PDE3A: variants seen among roughly 807,000 people sequenced by gnomAD.
The protein encoded by PDE3A is phosphodiesterase 3A.
Under a neutral mutation model 98.3 loss-of-function variants are expected in PDE3A, and 43 were observed. The ratio of observed to expected loss-of-function variants is 0.44; its 90% CI spans 0.34 to 0.56. The LOEUF (loss-of-function observed/expected upper bound fraction) is 0.56, where lower values mean the gene tolerates loss of function less well. Ranked by LOEUF, PDE3A falls within the 20% of genes least tolerant of loss-of-function variation. PDE3A has a pLI of 0.01. For missense variants in PDE3A, 1,427 were observed against 1,440.7 expected (o/e 0.99, Z 0.15); for synonymous variants, 663 against 567.9 (o/e 1.17, Z -2.38).
chr12:20,625,073 G>A (rs1018169052), intron 5 of PDE3A, among the ~76,000 whole-genome samples: 4 of 152,150 alleles, frequency 2.6e-5, no homozygotes, highest in African/African-American at 9.7e-5. Context: ...TCCAGAGAGG[G>A]CTAATGAAAT....
intron 3 of PDE3A, among the ~76,000 whole-genome samples, chr12:20,614,393 G>A (rs1038737731): frequency 1.3e-5 from 2 of 152,090 alleles, no homozygotes; most frequent in African/African-American, 4.8e-5. Context: ...AGTGTCAGTG[G>A]TCTCTGGTAT....
At chr12:20,432,608 A>G (rs1042378979) in intron 1 of PDE3A, among the ~76,000 whole-genome samples, 1 of 152,188 alleles carries the variant, frequency 6.6e-6, no homozygotes, top group African/African-American at 2.4e-5. Flanking sequence ...CATGTCGATC[A>G]TACCTTAATA....
At chr12:20,371,911 A>G (rs192334350) in intron 1 of PDE3A, among the ~76,000 whole-genome samples, 36 of 152,334 alleles carry the variant, frequency 2.4e-4, no homozygotes, top group Admixed American at 2.1e-3. Context: ...TCATTAACTT[A>G]TAGGGAAATA....
rs1945022209 is a variant in PDE3A, at chr12:20,655,521, C to A, written c.3184+1316C>A. ...GTTTCTGGTTGGGCCAGTAAAGCCC[C>A]TTCCTCATCCCACTGTTCTGCTTAT... On this transcript the variant is annotated intron_variant, in intron 15 of 15. Transcript: ENST00000359062. 2.0e-5 allele frequency among the ~76,000 whole-genome samples: 3 copies of A among 152,294 alleles called. No individual in the cohort carries two copies. In the Middle Eastern group the frequency reaches 0.01, roughly 518 times the overall value.
intron 15 of PDE3A, among the ~76,000 whole-genome samples, chr12:20,672,337 G>GA (rs1284789645): frequency 3.0e-5 from 4 of 133,344 alleles, no homozygotes; most frequent in East Asian, 4.8e-4. Context: ...CACAGAATTG[G>GA]AAAAAACTAC....
At chr12:20,425,513 GA>G (rs1944589121) in intron 1 of PDE3A, among the ~76,000 whole-genome samples, 1 of 152,054 alleles carries the variant, frequency 6.6e-6, no homozygotes, top group Non-Finnish European at 1.5e-5. Context: ...TTATAAAATT[GA>G]TATTTAAAAA....
intron 2 of PDE3A, among the ~76,000 whole-genome samples, chr12:20,592,167 T>G (rs1943353716): frequency 6.6e-6 from 1 of 152,148 alleles, no homozygotes; most frequent in Admixed American, 6.5e-5. Flanking sequence ...TGTTTAAAGA[T>G]GTTAGTTTGG....
At chr12:20,484,312 G>C (rs1945683321) in intron 1 of PDE3A, among the ~76,000 whole-genome samples, 1 of 152,076 alleles carries the variant, frequency 6.6e-6, no homozygotes. Flanking sequence ...GTAATAGTCT[G>C]TTTTAATTTT....
chr12:20,480,111 T>A (rs1945597097), intron 1 of PDE3A, among the ~76,000 whole-genome samples: 1 of 152,198 alleles, frequency 6.6e-6, no homozygotes, highest in South Asian at 2.1e-4. Flanking sequence ...CCTGGCCTCA[T>A]TTAATAGCTG....
In PDE3A at chr12:20,685,306, G is replaced by A. The variant is rs1344234006; in HGVS notation, c.*5035G>A. 6.6e-6 allele frequency among the ~76,000 whole-genome samples: 1 copy of A among 151,236 alleles called. No individual in the cohort carries two copies. Among genetic ancestry groups the A allele is most frequent in the Non-Finnish European group, 1.5e-5 (1 of 67,950 alleles). ...GCATGTCTGTAATCCCAGCTACCCA[G>A]GAGGCTGAGGCAGAATCGCTTGAAC... On this transcript the variant is annotated 3_prime_UTR_variant, in exon 16 of 16. Coordinates refer to ENST00000359062, the MANE Select transcript of PDE3A (RefSeq NM_000921.5).
chr12:20,582,003 G>A (rs1159452662), intron 2 of PDE3A, among the ~76,000 whole-genome samples: 2 of 151,884 alleles, frequency 1.3e-5, no homozygotes, highest in Non-Finnish European at 2.9e-5. Context: ...TTAATTCTAC[G>A]TTCTAAAATA....
intron 1 of PDE3A, among the ~76,000 whole-genome samples, chr12:20,492,577 G>C (rs1945848041): frequency 6.6e-6 from 1 of 152,156 alleles, no homozygotes; most frequent in Admixed American, 6.5e-5. Flanking sequence ...AAAGGCACGA[G>C]GAGAGGGAGG....
intron 2 of PDE3A, among the ~76,000 whole-genome samples, chr12:20,563,771 T>C (rs1942589295): frequency 6.6e-6 from 1 of 152,088 alleles, no homozygotes; most frequent in South Asian, 2.1e-4. Flanking sequence ...GGGATGGCTT[T>C]GTCATTGCAT....
At chr12:20,555,261 G>A (rs936252642) in intron 1 of PDE3A, among the ~76,000 whole-genome samples, 10 of 152,248 alleles carry the variant, frequency 6.6e-5, no homozygotes, top group African/African-American at 4.8e-5. Context: ...AAATCCGCCC[G>A]CCTTGGCTTC....
At chr12:20,489,855 T>C (rs1291407499) in intron 1 of PDE3A, among the ~76,000 whole-genome samples, 4 of 152,160 alleles carry the variant, frequency 2.6e-5, no homozygotes, top group Non-Finnish European at 4.4e-5. Flanking sequence ...TTTTCCCACA[T>C]GTTTGCTCAG....
Position 20,400,274 on chromosome 12 carries a change from C to T in PDE3A, c.960+30030C>T, listed in dbSNP as rs573336466. ...AGAGATACTGAAGAATGAAAGACCT[C>T]GAGAGTCCTGCTGTCTAAAGGAGTA... On this transcript the variant is annotated intron_variant, in intron 1 of 15. Coordinates refer to ENST00000359062, the MANE Select transcript of PDE3A (RefSeq NM_000921.5). Among the ~76,000 whole-genome samples the T allele has an allele frequency of 7.3e-5, 11 of 151,188 alleles. No homozygotes were observed. In the South Asian group the frequency reaches 2.3e-3, roughly 32 times the overall value.
chr12:20,523,069 G>T lies in PDE3A; in HGVS notation c.961-33591G>T, dbSNP rs145159109. Among the ~76,000 whole-genome samples the T allele has an allele frequency of 6.5e-3, 992 of 152,020 alleles. 11 individuals are homozygous for T. Among genetic ancestry groups the T allele is most frequent in the African/African-American group, 0.022 (924 of 41,440 alleles). On this transcript the variant is annotated intron_variant, in intron 1 of 15. Coordinates refer to ENST00000359062, the MANE Select transcript of PDE3A (RefSeq NM_000921.5). Reference sequence around the variant, plus strand: ...TCCTGGGGTATACCTGGGCGGTGGGGTGGGTGGCATTAGGCTAAAGATAGT... The same window carrying T: ...TCCTGGGGTATACCTGGGCGGTGGGTTGGGTGGCATTAGGCTAAAGATAGT...
intron 10 of PDE3A, among the ~76,000 whole-genome samples, chr12:20,641,741 T>C (rs1329097148): frequency 6.6e-6 from 1 of 152,186 alleles, no homozygotes; most frequent in East Asian, 1.9e-4. Context: ...TTCACTTTTA[T>C]ATTTTCTTAT....
At chr12:20,480,643 G>C (rs1945606109) in intron 1 of PDE3A, among the ~76,000 whole-genome samples, 1 of 152,170 alleles carries the variant, frequency 6.6e-6, no homozygotes. Flanking sequence ...ATGGAAAGAA[G>C]TTTCCCTCCT....
Sources: allele counts gnomAD v4.1 joint callset (sites outside exome capture counted in the v4.1 genomes callset), GRCh38; gene constraint gnomAD v4.1.1; transcripts MANE v1.5; gene names NCBI Gene and HGNC (gene_info 2026-07-23, HGNC 2026-07-21).